Variants in TRIM3 observed in about 807,000 individuals in gnomAD.
The protein encoded by TRIM3 is tripartite motif containing 3, also known as tripartite motif-containing protein 3.
TRIM3 carries 13 observed loss-of-function variants against 66.6 expected under a neutral mutation model. That is an observed-to-expected ratio of 0.20 (90% CI 0.13 to 0.31). The LOEUF (loss-of-function observed/expected upper bound fraction) is 0.31. Ranked by LOEUF, TRIM3 falls within the 10% of genes least tolerant of loss-of-function variation. The probability of loss-of-function intolerance (pLI) is 1.00; values close to 1 mark genes in which losing one functional copy is unlikely to be tolerated. For synonymous variants in TRIM3, 406 were observed against 411.7 expected (o/e 0.99, Z 0.17); for missense variants, 711 against 1,020.4 (o/e 0.70, Z 4.13).
chr11:6,458,116 G>C lies in TRIM3; in HGVS notation c.312C>G (p.Pro104=), dbSNP rs1213560055. 1.9e-6 allele frequency: 3 copies of C among 1,613,624 alleles called. No individual in the cohort carries two copies. Among genetic ancestry groups the C allele is most frequent in the South Asian group, 2.2e-5 (2 of 91,064 alleles). The stretch of plus-strand genomic sequence containing the variant: ...GAGGGCGGCCAGCCACTACACTGAG[G>C]GGGTGGGGGTCCTCCGGGTCGTGGG... ...DGAHDPEDPH[P]LSVVAGRPLS... The change falls in exon 3 of 12, where the codon CCC becomes CCG. Residue 104 remains proline, a synonymous_variant. Coordinates refer to ENST00000345851, the MANE Select transcript of TRIM3 (RefSeq NM_033278.4). This position sits in a 1 kb window ranked among gnomAD's most constrained non-coding sequence, Gnocchi z 6.2.
At chr11:6,451,093 T>C (rs773109332) in intron 8 of TRIM3, 33 bp from the exon 9 acceptor site, 8 of 1,611,054 alleles carry the variant, frequency 5.0e-6, no homozygotes, top group Non-Finnish European at 5.1e-6. Context: ...AGAGGCTTTA[T>C]TCTGACAGTG....
Position 6,465,629 on chromosome 11 carries a change from T to G in TRIM3, c.67A>C (p.Ser23Arg). The change falls in exon 2 of 12, where the codon AGC becomes CGC. Residue 23 changes from serine to arginine, a missense_variant. Physicochemically the swap from Ser to Arg is moderately radical, Grantham distance 110. Around this residue, in one of 3 missense-constraint regions of TRIM3, gnomAD observed 149 missense variants for 240.3 expected, o/e 0.62. Transcript: ENST00000345851. ...CACTGGTACCGATCCAGGCAGATGC[T>G]GCATACCAGGAACTGCTTGTCCATT... ...QPMDKQFLVCSICLDRYQCPK... is the reference protein window; with the variant it reads ...QPMDKQFLVCRICLDRYQCPK... 1 of 1,614,204 alleles carries G rather than the reference T, an allele frequency of 6.2e-7. No homozygotes were observed. The highest frequency in any genetic ancestry group is 8.5e-7 in the Non-Finnish European group (1 of 1,180,030).
In TRIM3 at chr11:6,457,605, T is replaced by A; in HGVS notation, c.515+91A>T. The A allele has an allele frequency of 6.4e-7, 1 of 1,554,594 alleles. No homozygotes were observed. The highest frequency in any genetic ancestry group is 1.7e-5 in the Admixed American group (1 of 57,530). The stretch of plus-strand genomic sequence containing the variant: ...GAGACCTCCCTGAGACTTCCATCTC[T>A]GCCCTTCCCAGACCCTTTATTCCCC... On this transcript the variant is annotated intron_variant, in intron 4 of 11. Transcript: ENST00000345851. This position sits in a 1 kb window ranked among gnomAD's most constrained non-coding sequence, Gnocchi z 4.5.
At position 6,451,051 on chromosome 11, in the gene TRIM3, C is replaced by T; in HGVS notation, c.1711G>A (p.Gly571Arg). The change falls in exon 9 of 12, where the codon GGA (glycine) becomes AGA (arginine). Residue 571 changes from glycine (G) to arginine (R), a missense_variant. Gly to Arg is a moderately radical substitution (Grantham distance 125). Transcript: ENST00000345851. ...TTGGGGCCCATGAGGCGGCCAGCTC[C>T]AATCTTGGTCTGGAGGAAGAGAATA... Reference protein sequence around the residue: ...SPEGKFKTKIGAGRLMGPKGV... With the variant: ...SPEGKFKTKIRAGRLMGPKGV... 6.2e-7 allele frequency: 1 copy of T among 1,614,168 alleles called. No homozygotes were observed. Among genetic ancestry groups the T allele is most frequent in the Non-Finnish European group, 8.5e-7 (1 of 1,179,990 alleles).
rs1589825541 is a variant in TRIM3 at position 6,453,928 on chromosome 11, A to G, written c.1533+2144T>C. ...GCCCTAAGGACTCCAGAGTAAGAGA[A>G]GCAGAAATTCAACTTAGAAATCTGA... On this transcript the variant is annotated intron_variant, in intron 7 of 11. Transcript: ENST00000345851. Among the ~76,000 whole-genome samples, 5 of 152,342 alleles carry G rather than the reference A, an allele frequency of 3.3e-5. No homozygotes were observed. The South Asian group carries it at 1.0e-3, about 32-fold the overall frequency.
chr11:6,462,530 C>A (rs546373692), intron 2 of TRIM3, among the ~76,000 whole-genome samples: 28 of 152,228 alleles, frequency 1.8e-4, no homozygotes, highest in African/African-American at 6.3e-4. Context: ...ACCTCAGCCT[C>A]CCGATTAGCT....
intron 2 of TRIM3, among the ~76,000 whole-genome samples, chr11:6,462,890 TC>T: frequency 6.7e-6 from 1 of 150,358 alleles, no homozygotes; most frequent in East Asian, 2.0e-4. Context: ...GACACTCATC[TC>T]TAAAAAAAAA....
intron 2 of TRIM3, among the ~76,000 whole-genome samples, chr11:6,462,237 G>C (rs563535577): frequency 3.8e-4 from 17 of 44,414 alleles, no homozygotes; most frequent in Non-Finnish European, 7.0e-4. Flanking sequence ...TGCAGCTCTC[G>C]TTTTCTTGAT....
In TRIM3 at chr11:6,457,514, T is replaced by C; in HGVS notation, c.516-38A>G. 2 of 1,600,652 alleles carry C rather than the reference T, an allele frequency of 1.2e-6. No individual in the cohort carries two copies. Among genetic ancestry groups the C allele is most frequent in the Admixed American group, 1.7e-5 (1 of 59,716 alleles). Reference sequence around the variant, plus strand: ...TATCTCATTCCAGAGTTGCTGAGGGTGGCTTTGCCGAACTTTCCCTTCTCC... The same window carrying C: ...TATCTCATTCCAGAGTTGCTGAGGGCGGCTTTGCCGAACTTTCCCTTCTCC... On this transcript the variant is annotated intron_variant, in intron 4 of 11. Transcript: ENST00000345851. The surrounding 1 kb of genome is among the most constrained non-coding windows in gnomAD (Gnocchi z 4.5).
Position 6,465,523 on chromosome 11 carries a change from C to T in TRIM3, c.131+42G>A, listed in dbSNP as rs531357872. 2.5e-5 allele frequency: 40 copies of T among 1,611,034 alleles called. No homozygotes were observed. In the African/African-American group the frequency reaches 5.2e-4, roughly 21 times the overall value. ...CAGGGGAGGAGGATCCTCATCCTCCCCACAGGGTCCTCATCCCTCCCCAGT... is the reference window on the plus strand; with the variant it reads ...CAGGGGAGGAGGATCCTCATCCTCCTCACAGGGTCCTCATCCCTCCCCAGT... On this transcript the variant is annotated intron_variant, in intron 2 of 11. Coordinates refer to ENST00000345851, the MANE Select transcript of TRIM3 (RefSeq NM_033278.4).
At chr11:6,470,031 A>G (rs887502064) in intron 1 of TRIM3, among the ~76,000 whole-genome samples, 2 of 152,240 alleles carry the variant, frequency 1.3e-5, no homozygotes, top group Non-Finnish European at 2.9e-5. Context: ...GGTCTTATTA[A>G]GGAGTTTAGA....
Position 6,454,617 on chromosome 11 carries a change from G to A in TRIM3, c.1533+1455C>T, listed in dbSNP as rs368232244. Reference sequence around the variant, plus strand: ...CTGAGCACCACCTCATTACTCCCCCGCAATCCCCTCCTCACTATCCAGGCT... The same window carrying A: ...CTGAGCACCACCTCATTACTCCCCCACAATCCCCTCCTCACTATCCAGGCT... On this transcript the variant is annotated intron_variant, in intron 7 of 11. Coordinates refer to ENST00000345851, the MANE Select transcript of TRIM3 (RefSeq NM_033278.4). Among the ~76,000 whole-genome samples, 131 of 152,158 alleles carry A rather than the reference G, an allele frequency of 8.6e-4. 1 individual carries two copies. Among genetic ancestry groups the A allele is most frequent in the East Asian group, 5.0e-3 (26 of 5,180 alleles).
Position 6,449,302 on chromosome 11 carries a change from T to C in TRIM3, c.2082+4A>G. The stretch of plus-strand genomic sequence containing the variant: ...CCCTCATGTCATTCCCAGGCCTTAC[T>C]CACCTGGATGCGGCTGTTGCCCCAG... On this transcript the variant is annotated splice_donor_region_variant and intron_variant, in intron 11 of 11. Coordinates refer to ENST00000345851, the MANE Select transcript of TRIM3 (RefSeq NM_033278.4). This position sits in a 1 kb window ranked among gnomAD's most constrained non-coding sequence, Gnocchi z 5.3. The C allele has an allele frequency of 6.2e-7, 1 of 1,613,446 alleles. No individual in the cohort carries two copies. Among genetic ancestry groups the C allele is most frequent in the East Asian group, 2.2e-5 (1 of 44,862 alleles).
chr11:6,473,950 G>T (rs1850821921), upstream of TRIM3: 1 of 151,716 alleles, frequency 6.6e-6, no homozygotes. Context: ...AGGCCGGAGG[G>T]AGGGGCCGGG....
chr11:6,461,989 C>T (rs1850263087), intron 2 of TRIM3, among the ~76,000 whole-genome samples: 1 of 152,202 alleles, frequency 6.6e-6, no homozygotes, highest in Admixed American at 6.5e-5. Context: ...CACTTTACTC[C>T]TCACTTGGCC....
rs141315675 is a variant in TRIM3 at position 6,457,420 on chromosome 11, T to C, written c.572A>G (p.Gln191Arg). The C allele has an allele frequency of 6.2e-7, 1 of 1,613,686 alleles. No individual in the cohort carries two copies. The change falls in exon 5 of 12, where the codon CAG becomes CGG. Residue 191 changes from glutamine (Q) to arginine (R), a missense_variant. By Grantham distance (43) the Gln-to-Arg change is conservative. Around this residue, in one of 3 missense-constraint regions of TRIM3, gnomAD observed 399 missense variants for 458.1 expected, o/e 0.87. Transcript: ENST00000345851. The surrounding 1 kb of genome is among the most constrained non-coding windows in gnomAD (Gnocchi z 4.5). ...ALVGGISQQL[Q>R]ERKAEALAQI... The stretch of plus-strand genomic sequence containing the variant: ...GGCCAGGGCCTCTGCCTTGCGCTCC[T>C]GCAGCTGCTGGCTGATGCCCCCGAC...
At chr11:6,470,409 T>C (rs1850634012) in intron 1 of TRIM3, among the ~76,000 whole-genome samples, 1 of 152,126 alleles carries the variant, frequency 6.6e-6, no homozygotes, top group East Asian at 1.9e-4. Flanking sequence ...TCAGTTTTGT[T>C]TTTGTTTTTT....
chr11:6,448,848 A>T lies in TRIM3; in HGVS notation c.*180T>A, dbSNP rs550072003. ...CCAGGCTCACCCAGTCACCAAAGCAAGAACCGAATAAATAAAGTGCAACCG... is the reference window on the plus strand; with the variant it reads ...CCAGGCTCACCCAGTCACCAAAGCATGAACCGAATAAATAAAGTGCAACCG... On this transcript the variant is annotated 3_prime_UTR_variant, in exon 12 of 12. Coordinates refer to ENST00000345851, the MANE Select transcript of TRIM3 (RefSeq NM_033278.4). The T allele has an allele frequency of 5.0e-4, 358 of 719,330 alleles. 2 individuals are homozygous for T. Among genetic ancestry groups the T allele is most frequent in the Non-Finnish European group, 3.8e-4 (164 of 428,320 alleles). 44.6% of individuals were successfully genotyped at this position (719,330 alleles called of 1,614,324 possible). A position where few individuals can be genotyped will look rare whatever the true frequency, so the allele number is the denominator to read the frequency against.
intron 7 of TRIM3, chr11:6,452,509 C>T (rs903323768): frequency 6.6e-6 from 1 of 152,200 alleles, no homozygotes; most frequent in African/African-American, 2.4e-5. Flanking sequence ...ATGGACTGGT[C>T]TCCCCGCCCC....
Sources: gnomAD v4.1 joint callset for allele counts (sites outside exome capture counted in the v4.1 genomes callset) on GRCh38, gnomAD v4.1.1 for gene constraint, gnomAD v4.1.1 regional missense constraint, Gnocchi (gnomAD v3.1) non-coding constraint, MANE v1.5 for transcripts, NCBI Gene and HGNC (gene_info 2026-07-23, HGNC 2026-07-21) for gene names.